The following MLLT3 variants were observed in gnomAD, a reference collection of about 807,000 sequenced individuals.
MLLT3 encodes protein AF-9.
MLLT3 carries 4 observed loss-of-function variants against 53.2 expected under a neutral mutation model. That is an observed-to-expected ratio of 0.08 (90% CI 0.04 to 0.17). The LOEUF (loss-of-function observed/expected upper bound fraction) is 0.17, where lower values mean the gene tolerates loss of function less well. Ranked by LOEUF, MLLT3 falls within the 10% of genes least tolerant of loss-of-function variation. MLLT3 has a pLI of 1.00. For missense variants in MLLT3, 569 were observed against 684.0 expected, an observed-to-expected ratio of 0.83 and a Z score of 1.87; for synonymous variants, 283 against 230.6, an observed-to-expected ratio of 1.23 and a Z score of -2.06.
chr9:20,430,027 A>C (rs1357894310), intron 4 of MLLT3, among the ~76,000 whole-genome samples: 1 of 152,216 alleles, frequency 6.6e-6, no homozygotes, highest in African/African-American at 2.4e-5. Flanking sequence ...AGAATTAATA[A>C]GTTTAGTAAG....
In MLLT3 at chr9:20,498,266, A is replaced by AAAAG. The variant is rs760352616; in HGVS notation, c.194-41481_194-41480insCTTT. ...AAAAAAAAAAAAAAAAAAAAAAAAA[A>AAAAG]GTTCTTCTAGCTGTTCTACCTTTAC... On this transcript the variant is annotated intron_variant, in intron 2 of 10. Transcript: ENST00000380338. 6.4e-4 allele frequency among the ~76,000 whole-genome samples: 63 copies of AAAAG among 98,350 alleles called. 14 individuals are homozygous for AAAAG. Among genetic ancestry groups the AAAAG allele is most frequent in the Admixed American group, 3.8e-3 (34 of 9,032 alleles). 64.5% of individuals were successfully genotyped at this position (98,350 alleles called of 152,430 possible). A position where few individuals can be genotyped will look rare whatever the true frequency, so the allele number is the denominator to read the frequency against.
intron 10 of MLLT3, among the ~76,000 whole-genome samples, chr9:20,350,417 A>C (rs959400863): frequency 7.9e-5 from 12 of 151,892 alleles, no homozygotes; most frequent in Non-Finnish European, 7.4e-5. Flanking sequence ...AAAACGGTGA[A>C]ACCCCGTCTC....
chr9:20,511,553 T>G (rs1242328875), intron 2 of MLLT3, among the ~76,000 whole-genome samples: 1 of 152,146 alleles, frequency 6.6e-6, no homozygotes, highest in Non-Finnish European at 1.5e-5. Flanking sequence ...CTATGAAGCA[T>G]CATTAAATGT....
At position 20,343,869 on chromosome 9, in the gene MLLT3, G is replaced by A. The variant is rs939049014; in HGVS notation, c.*2574C>T. 1 of 206,878 alleles carries A rather than the reference G, an allele frequency of 4.8e-6. No homozygotes were observed. The highest frequency in any genetic ancestry group is 9.8e-6 in the Non-Finnish European group (1 of 101,620). 12.8% of individuals were successfully genotyped at this position (206,878 alleles called of 1,614,324 possible). A position where few individuals can be genotyped will look rare whatever the true frequency, so the allele number is the denominator to read the frequency against. The stretch of plus-strand genomic sequence containing the variant: ...TATATAAATGTGACAGAACTGAAGG[G>A]GTTACTTTAAGAGAGGTATTAAAAC... On this transcript the variant is annotated 3_prime_UTR_variant, in exon 11 of 11. Coordinates refer to ENST00000380338, the MANE Select transcript of MLLT3 (RefSeq NM_004529.4).
At chr9:20,536,093 C>T (rs1818476600) in intron 2 of MLLT3, among the ~76,000 whole-genome samples, 1 of 151,984 alleles carries the variant, frequency 6.6e-6, no homozygotes, top group South Asian at 2.1e-4. Context: ...CCAATCAATC[C>T]ATTAGAAAAA....
chr9:20,379,941 C>A (rs1821866279), intron 5 of MLLT3, among the ~76,000 whole-genome samples: 1 of 152,050 alleles, frequency 6.6e-6, no homozygotes. Flanking sequence ...GAGGCAGGTA[C>A]TGGATTCAAG....
At chr9:20,599,784 A>C (rs959594513) in intron 2 of MLLT3, among the ~76,000 whole-genome samples, 2 of 152,214 alleles carry the variant, frequency 1.3e-5, no homozygotes, top group African/African-American at 4.8e-5. Flanking sequence ...GACTGTCCTC[A>C]GCAAAACAGG....
chr9:20,602,564 C>A (rs1346052631), intron 2 of MLLT3, among the ~76,000 whole-genome samples: 2 of 152,112 alleles, frequency 1.3e-5, no homozygotes, highest in Non-Finnish European at 2.9e-5. Flanking sequence ...CCATATAGTA[C>A]ACGCATGTGC....
chr9:20,537,210 A>G (rs1012859450), intron 2 of MLLT3, among the ~76,000 whole-genome samples: 2 of 152,234 alleles, frequency 1.3e-5, no homozygotes, highest in African/African-American at 2.4e-5. Flanking sequence ...TGAGTACTCA[A>G]TGTTATTAAA....
intron 2 of MLLT3, among the ~76,000 whole-genome samples, chr9:20,603,664 A>C (rs1219731162): frequency 6.6e-6 from 1 of 152,096 alleles, no homozygotes; most frequent in Admixed American, 6.6e-5. Context: ...GTTTGCAAAA[A>C]CTATAATAAT....
In MLLT3 at chr9:20,360,800, G is replaced by C. The variant is rs763073443; in HGVS notation, c.1373C>G (p.Ala458Gly). 8 of 1,614,098 alleles carry C rather than the reference G, an allele frequency of 5.0e-6. No individual in the cohort carries two copies. The Admixed American group carries it at 8.3e-5, about 17-fold the overall frequency. Residue 458 changes from alanine to glycine, a missense_variant, in exon 8 of 11, where the codon GCT (alanine) becomes GGT (glycine). Ala to Gly is a moderately conservative substitution (Grantham distance 60). This residue lies in a region of MLLT3 where 437 missense variants were observed against 376.5 expected (regional missense o/e 1.16). Transcript: ENST00000380338. ...SDGSDSESSS[A>G]SSPLHHEPPP... ...AGGTTCGTGATGTAGGGGTGAAGAA[G>C]CAGAACTGCTTTCACTATCGCTGCC... is the stretch of plus-strand genomic sequence containing the variant.
chr9:20,459,284 T>C (rs1405020249), intron 2 of MLLT3, among the ~76,000 whole-genome samples: 3 of 152,204 alleles, frequency 2.0e-5, no homozygotes, highest in African/African-American at 4.8e-5. Context: ...CATGACCTTA[T>C]AAGTTTCTCT....
At position 20,343,214 on chromosome 9, in the gene MLLT3, A is replaced by AAAAGTT. The variant is rs56934102; in HGVS notation, c.*3228_*3229insAACTTT. On this transcript the variant is annotated 3_prime_UTR_variant, in exon 11 of 11. Transcript: ENST00000380338. Reference sequence around the variant, plus strand: ...AAAAAAAAAAAAAAAAAAAAAAAAAATTTTGAAGAAACTTTTTAGTGGAAG... The same window carrying AAAAGTT: ...AAAAAAAAAAAAAAAAAAAAAAAAAAAAAGTTTTTTGAAGAAACTTTTTAGTGGAAG... The AAAAGTT allele has an allele frequency of 8.7e-6, 1 of 115,062 alleles. No individual in the cohort carries two copies. The highest frequency in any genetic ancestry group is 6.7e-5 in the African/African-American group (1 of 14,932). The allele number at this position is 115,062 out of a possible 1,614,324, so 7.1% of individuals were successfully genotyped here.
intron 7 of MLLT3, 177 bp downstream of exon 7, chr9:20,363,299 G>A: frequency 3.3e-6 from 2 of 607,622 alleles, no homozygotes; most frequent in South Asian, 3.9e-5. Context: ...CTGAGAAAAA[G>A]GAGAAACAGT....
chr9:20,504,233 C>T (rs1825325517), intron 2 of MLLT3, among the ~76,000 whole-genome samples: 1 of 152,124 alleles, frequency 6.6e-6, no homozygotes, highest in African/African-American at 2.4e-5. Flanking sequence ...AAAAAGATAT[C>T]TGTACTTCCA....
chr9:20,483,588 A>G (rs1824722594), intron 2 of MLLT3, among the ~76,000 whole-genome samples: 1 of 151,964 alleles, frequency 6.6e-6, no homozygotes, highest in East Asian at 1.9e-4. Flanking sequence ...TTAAAAGGAG[A>G]GAACCACCAG....
chr9:20,511,666 A>G (rs1817752686), intron 2 of MLLT3, among the ~76,000 whole-genome samples: 1 of 152,224 alleles, frequency 6.6e-6, no homozygotes, highest in South Asian at 2.1e-4. Context: ...GCCTCACAAC[A>G]TAGTCCCTAA....
intron 2 of MLLT3, among the ~76,000 whole-genome samples, chr9:20,556,235 A>G (rs1441929053): frequency 1.3e-5 from 2 of 152,234 alleles, no homozygotes; most frequent in Non-Finnish European, 2.9e-5. Context: ...TCCATTCCAC[A>G]AATGGAAATA....
At position 20,414,090 on chromosome 9, in the gene MLLT3, G is replaced by A. The variant is rs1013880803; in HGVS notation, c.756C>T (p.Ala252=). Reference sequence around the variant, plus strand: ...TTGACATGGGTTTAGGTTCCTTGAAGGCCATCTTAGGAACTATTTTCTCTT... The same window carrying A: ...TTGACATGGGTTTAGGTTCCTTGAAAGCCATCTTAGGAACTATTTTCTCTT... ...LKEEKIVPKM[A]FKEPKPMSKE... Residue 252 remains alanine, a synonymous_variant, in exon 5 of 11, where the codon GCC becomes GCT. Transcript: ENST00000380338. 1.2e-6 allele frequency: 2 copies of A among 1,613,530 alleles called. No homozygotes were observed. Among genetic ancestry groups the A allele is most frequent in the African/African-American group, 2.7e-5 (2 of 74,788 alleles).
Sources: allele counts gnomAD v4.1 joint callset (sites outside exome capture counted in the v4.1 genomes callset), GRCh38; gene constraint gnomAD v4.1.1; regional missense constraint gnomAD v4.1.1; transcripts MANE v1.5; gene names NCBI Gene and HGNC (gene_info 2026-07-23, HGNC 2026-07-21).